Variants in PCDHA6 observed in about 807,000 individuals in gnomAD.
PCDHA6 encodes protocadherin alpha 6, also known as protocadherin alpha-6.
Under a neutral mutation model 60.3 loss-of-function variants are expected in PCDHA6, and 55 were observed. The ratio of observed to expected loss-of-function variants is 0.91; its 90% CI spans 0.73 to 1.14. The LOEUF (loss-of-function observed/expected upper bound fraction) is 1.14. PCDHA6 is among the 50% of genes most tolerant of loss of function. The pLI, the probability that PCDHA6 is intolerant of heterozygous loss-of-function variation, is 0.00. For synonymous variants in PCDHA6, 652 were observed against 557.9 expected, an observed-to-expected ratio of 1.17 and a Z score of -2.38; for missense variants, 1,327 against 1,256.5, an observed-to-expected ratio of 1.06 and a Z score of -0.85.
At chr5:140,967,547 A>T in intron 1 of PCDHA6, 1 of 1,613,890 alleles carries the variant, frequency 6.2e-7, no homozygotes, top group Non-Finnish European at 8.5e-7. Flanking sequence ...TGACCAGTCC[A>T]CTTATCGCGT....
intron 1 of PCDHA6, chr5:140,927,658 C>G (rs782350503): frequency 6.2e-7 from 1 of 1,614,094 alleles, no homozygotes; most frequent in East Asian, 2.2e-5. Context: ...ATTCCGAGTT[C>G]AAGCCTTGGA....
intron 1 of PCDHA6, chr5:140,927,527 C>A (rs1554204693): frequency 6.2e-7 from 1 of 1,614,084 alleles, no homozygotes. Flanking sequence ...GGGCTACCTG[C>A]CCGCTCAGGA....
At chr5:140,966,425 G>A in intron 1 of PCDHA6, 1 of 421,678 alleles carries the variant, frequency 2.4e-6, no homozygotes, top group South Asian at 9.9e-5. Flanking sequence ...GACTTGCTGA[G>A]CCCTCCTACC....
chr5:140,870,391 G>C, intron 1 of PCDHA6: 1 of 1,614,230 alleles, frequency 6.2e-7, no homozygotes, highest in Non-Finnish European at 8.5e-7. Flanking sequence ...GCGGGATGGG[G>C]GTTCGCCTTC....
intron 1 of PCDHA6, among the ~76,000 whole-genome samples, chr5:140,894,725 G>A (rs3776121): frequency 0.31 from 47,403 of 151,506 alleles, 8,352 homozygotes; most frequent in East Asian, 0.53. Context: ...CAAATATTAC[G>A]TAGCAATTTG....
At chr5:140,920,516 A>G (rs2079670610) in intron 1 of PCDHA6, among the ~76,000 whole-genome samples, 1 of 152,156 alleles carries the variant, frequency 6.6e-6, no homozygotes, top group African/African-American at 2.4e-5. Flanking sequence ...GTTTTATGCA[A>G]TTCGTTAGAC....
intron 1 of PCDHA6, among the ~76,000 whole-genome samples, chr5:140,880,574 AGAGAG>A (rs2058389036): frequency 1.3e-5 from 2 of 152,226 alleles, no homozygotes; most frequent in African/African-American, 4.8e-5. Flanking sequence ...GAATTTGAGA[AGAGAG>A]GAAAGAGAAT....
chr5:140,851,140 G>C, intron 1 of PCDHA6: 1 of 1,310,362 alleles, frequency 7.6e-7, no homozygotes, highest in Non-Finnish European at 9.9e-7. Flanking sequence ...TGATTAAAGT[G>C]ACATTGAATT....
At chr5:140,846,654 A>T (rs941473250) in intron 1 of PCDHA6, among the ~76,000 whole-genome samples, 1 of 149,238 alleles carries the variant, frequency 6.7e-6, no homozygotes, top group African/African-American at 2.5e-5. Flanking sequence ...GATTACAGGC[A>T]TGAGCCACCG....
chr5:140,884,504 GGGAGTT>G, intron 1 of PCDHA6: 1 of 1,614,180 alleles, frequency 6.2e-7, no homozygotes, highest in Non-Finnish European at 8.5e-7. Context: ...CAGCGCGGCA[GGGAGTT>G]GGTCGTACTC....
At chr5:141,004,445 T>C (rs2098166676) in intron 3 of PCDHA6, among the ~76,000 whole-genome samples, 1 of 152,206 alleles carries the variant, frequency 6.6e-6, no homozygotes. Flanking sequence ...CTGAGTCATA[T>C]AGAACCAGGA....
At chr5:140,882,481 C>T in intron 1 of PCDHA6, 2 of 1,614,038 alleles carry the variant, frequency 1.2e-6, no homozygotes, top group Middle Eastern at 1.7e-4. Flanking sequence ...CCAAAAGACA[C>T]GGGGACCTTC....
chr5:140,927,607 C>T, intron 1 of PCDHA6: 2 of 1,614,180 alleles, frequency 1.2e-6, no homozygotes, highest in Non-Finnish European at 8.5e-7. Flanking sequence ...CTCCGTATAC[C>T]GCACCAAGGT....
At chr5:140,976,666 A>G (rs1260651584) in intron 1 of PCDHA6, among the ~76,000 whole-genome samples, 4 of 152,188 alleles carry the variant, frequency 2.6e-5, no homozygotes, top group African/African-American at 9.6e-5. Flanking sequence ...CAAAGTTCAG[A>G]TGTCTCATTT....
intron 1 of PCDHA6, among the ~76,000 whole-genome samples, chr5:140,872,848 A>T: frequency 1.3e-5 from 2 of 152,332 alleles, no homozygotes; most frequent in African/African-American, 4.8e-5. Context: ...AAATATATTA[A>T]TGTGAGTACC....
intron 1 of PCDHA6, among the ~76,000 whole-genome samples, chr5:140,893,394 T>TAA (rs2063972728): frequency 6.6e-6 from 1 of 152,198 alleles, no homozygotes; most frequent in South Asian, 2.1e-4. Flanking sequence ...GGCTCATGCC[T>TAA]GTAATCCCAG....
chr5:140,828,568 T>G lies in PCDHA6; in HGVS notation c.477T>G (p.Asp159Glu). 6.2e-7 allele frequency: 1 copy of G among 1,614,248 alleles called. No homozygotes were observed. Among genetic ancestry groups the G allele is most frequent in the African/African-American group, 1.3e-5 (1 of 75,060 alleles). The change falls in exon 1 of 4, where the codon GAT becomes GAG. Residue 159 changes from aspartate (D) to glutamate (E), a missense_variant. Asp to Glu is a conservative substitution (Grantham distance 45). Coordinates refer to ENST00000529310, the MANE Select transcript of PCDHA6 (RefSeq NM_018909.4). The part of the protein sequence containing the change: ...DSVFPLEGAS[D>E]ADVGSNSILT... ...TGTTTCCACTGGAGGGCGCGTCCGA[T>G]GCAGATGTTGGCTCAAATTCCATCT...
chr5:140,869,182 G>A (rs2050897144), intron 1 of PCDHA6: 2 of 1,613,976 alleles, frequency 1.2e-6, no homozygotes, highest in East Asian at 2.2e-5. Flanking sequence ...CTGGGAGGTG[G>A]GGAGCGGCCA....
intron 1 of PCDHA6, chr5:140,883,919 C>T (rs1554180590): frequency 1.2e-6 from 2 of 1,613,316 alleles, no homozygotes; most frequent in Non-Finnish European, 8.5e-7. Flanking sequence ...CAACGTGACG[C>T]TGCAGGTGTT....
Sources: allele counts gnomAD v4.1 joint callset (sites outside exome capture counted in the v4.1 genomes callset), GRCh38; gene constraint gnomAD v4.1.1; transcripts MANE v1.5; gene names NCBI Gene and HGNC (gene_info 2026-07-23, HGNC 2026-07-21).